The following CD276 variants were observed in gnomAD, a reference collection of about 807,000 sequenced individuals.
CD276 encodes the protein CD276 antigen.
In CD276, 34 loss-of-function variants were observed where a neutral mutation model predicts 50.0. The ratio of observed to expected loss-of-function variants is 0.68; its 90% CI spans 0.52 to 0.91. The LOEUF (loss-of-function observed/expected upper bound fraction) is 0.91, where lower values mean the gene tolerates loss of function less well. Ranked by LOEUF, CD276 falls within the 40% of genes least tolerant of loss-of-function variation. CD276 has a pLI of 0.00. For synonymous variants in CD276, 275 were observed against 313.0 expected (o/e 0.88, Z 1.28); for missense variants, 634 against 717.5 (o/e 0.88, Z 1.33).
chr15:73,690,665 T>G (rs1899952845), intron 1 of CD276: 1 of 455,916 alleles, frequency 2.2e-6, no homozygotes, highest in Non-Finnish European at 4.4e-6. Context: ...TCTTCACTTC[T>G]TACAGGCCCC....
chr15:73,712,302 G>A (rs891123550), intron 9 of CD276: 2 of 152,636 alleles, frequency 1.3e-5, no homozygotes, highest in African/African-American at 4.8e-5. Context: ...CAACCACAGA[G>A]GCAGTGCCCA....
chr15:73,713,833 T>G lies in CD276; in HGVS notation c.*877T>G, dbSNP rs1454926718. 1 of 444,576 alleles carries G rather than the reference T, an allele frequency of 2.2e-6. No individual in the cohort carries two copies. Among genetic ancestry groups the G allele is most frequent in the South Asian group, 1.6e-5 (1 of 62,400 alleles). 27.5% of individuals were successfully genotyped at this position (444,576 alleles called of 1,614,324 possible). On this transcript the variant is annotated 3_prime_UTR_variant, in exon 10 of 10. Transcript: ENST00000318443. ...CTCTTTGTTCCTTTCTTTTCATGTA[T>G]CCATTCAGTTGATGTTTATTGAGCA...
At chr15:73,712,902 T>C in intron 9 of CD276, 32 bp from the exon 10 acceptor site, 1 of 1,611,492 alleles carries the variant, frequency 6.2e-7, no homozygotes, top group East Asian at 2.2e-5. Flanking sequence ...GCTTTTCCCT[T>C]CCCTTTTTTT....
chr15:73,687,382 T>A lies in CD276; in HGVS notation c.-55+2922T>A, dbSNP rs1899812134. On this transcript the variant is annotated intron_variant, in intron 1 of 9. Transcript: ENST00000318443. This position sits in a 1 kb window ranked among gnomAD's most constrained non-coding sequence, Gnocchi z 4.0. ...CCAAAGACACACAGCCGGCAAATGG[T>A]GGAGCTGGGCTGTTGTCTGCTTCCA... 6.6e-6 allele frequency among the ~76,000 whole-genome samples: 1 copy of A among 152,084 alleles called. No homozygotes were observed. The highest frequency in any genetic ancestry group is 2.4e-5 in the African/African-American group (1 of 41,420).
intron 1 of CD276, among the ~76,000 whole-genome samples, chr15:73,695,459 C>G (rs1900139844): frequency 6.6e-6 from 1 of 152,152 alleles, no homozygotes; most frequent in South Asian, 2.1e-4. Flanking sequence ...CCAATTCGCC[C>G]TGACCATATC....
In CD276 at chr15:73,703,819, C is replaced by T. The variant is rs139803363; in HGVS notation, c.894C>T (p.Thr298=). Residue 298 remains threonine (T), a synonymous_variant, in exon 5 of 10, where the codon ACC becomes ACT. Transcript: ENST00000318443. ...TDTKQLVHSF[T]EGRDQGSAYA... ...CCAAACAGCTGGTGCACAGTTTCAC[C>T]GAAGGCCGGGACCAGGGCAGCGCCT... 2.1e-5 allele frequency: 34 copies of T among 1,613,670 alleles called. No individual in the cohort carries two copies. Among genetic ancestry groups the T allele is most frequent in the Admixed American group, 1.3e-4 (8 of 60,030 alleles).
chr15:73,712,661 G>C (rs574805986), intron 9 of CD276, among the ~76,000 whole-genome samples: 102 of 152,316 alleles, frequency 6.7e-4, no homozygotes, highest in African/African-American at 2.2e-3. Context: ...AGAGTGGAGG[G>C]AAGTGTATCG....
chr15:73,704,023 C>G lies in CD276; in HGVS notation c.1072+26C>G, dbSNP rs114094336. 1 of 1,595,070 alleles carries G rather than the reference C, an allele frequency of 6.3e-7. No homozygotes were observed. On this transcript the variant is annotated intron_variant, in intron 5 of 9. Coordinates refer to ENST00000318443, the MANE Select transcript of CD276 (RefSeq NM_001024736.2). The surrounding 1 kb of genome is among the most constrained non-coding windows in gnomAD (Gnocchi z 4.1). ...GTGAGCACCAGGAGGGCGACGCCTT[C>G]CCCTTGGTTCACCCTCCATTCCCTC...
intron 1 of CD276, among the ~76,000 whole-genome samples, chr15:73,692,078 C>T (rs1325142523): frequency 6.6e-6 from 1 of 152,172 alleles, no homozygotes; most frequent in East Asian, 1.9e-4. Flanking sequence ...TGCCTCCTCT[C>T]CTGAGTCTCA....
In CD276 at chr15:73,704,093, C is replaced by T; in HGVS notation, c.1073-83C>T. 6.4e-7 allele frequency: 1 copy of T among 1,562,678 alleles called. No individual in the cohort carries two copies. Among genetic ancestry groups the T allele is most frequent in the East Asian group, 2.3e-5 (1 of 42,786 alleles). On this transcript the variant is annotated intron_variant, in intron 5 of 9. Coordinates refer to ENST00000318443, the MANE Select transcript of CD276 (RefSeq NM_001024736.2). The surrounding 1 kb of genome is among the most constrained non-coding windows in gnomAD (Gnocchi z 4.1). ...CACCACTGCTCCCAGAACCCCAGTG[C>T]TGATTCCTGTACTCAGCCCCATGCA...
Position 73,704,492 on chromosome 15 carries a change from TG to T in CD276, c.1369+24del. 6.2e-7 allele frequency: 1 copy of T among 1,605,458 alleles called. No individual in the cohort carries two copies. Among genetic ancestry groups the T allele is most frequent in the East Asian group, 2.2e-5 (1 of 44,608 alleles). On this transcript the variant is annotated intron_variant, in intron 6 of 9. Coordinates refer to ENST00000318443, the MANE Select transcript of CD276 (RefSeq NM_001024736.2). The surrounding 1 kb of genome is among the most constrained non-coding windows in gnomAD (Gnocchi z 4.1). ...TCACAGGTAAGGGCAGATGAACAGC[TG>T]GGGAAGGACGGAGCGAGTAACTCCC...
intron 1 of CD276, among the ~76,000 whole-genome samples, chr15:73,686,496 G>A (rs973284202): frequency 6.6e-6 from 1 of 152,222 alleles, no homozygotes; most frequent in Non-Finnish European, 1.5e-5. Flanking sequence ...AGTTATAGAA[G>A]TGTGGTCCCT....
chr15:73,703,421 C>T (rs1900498353), intron 4 of CD276, among the ~76,000 whole-genome samples: 1 of 152,128 alleles, frequency 6.6e-6, no homozygotes, highest in African/African-American at 2.4e-5. Flanking sequence ...CTGCCCCAGG[C>T]CTGGCCCTGG....
chr15:73,710,326 C>A (rs1900840966), intron 8 of CD276, among the ~76,000 whole-genome samples: 1 of 152,260 alleles, frequency 6.6e-6, no homozygotes. Context: ...AAAATGTCAT[C>A]CTGACCCTGC....
chr15:73,708,565 T>C, intron 7 of CD276, 92 bp downstream of exon 7: 1 of 1,406,378 alleles, frequency 7.1e-7, no homozygotes, highest in East Asian at 2.5e-5. Context: ...TGTCACTTTC[T>C]AGTGACAGAA....
At position 73,693,921 on chromosome 15, in the gene CD276, A is replaced by T. The variant is rs557251632; in HGVS notation, c.-54-5665A>T. On this transcript the variant is annotated intron_variant, in intron 1 of 9. Coordinates refer to ENST00000318443, the MANE Select transcript of CD276 (RefSeq NM_001024736.2). ...GGTGGGTGGGGGGAGGGGCAGGGAA[A>T]GGTTCCCTGTTCTGATACTTGATCA... Among the ~76,000 whole-genome samples, 4 of 151,282 alleles carry T rather than the reference A, an allele frequency of 2.6e-5. No individual in the cohort carries two copies. The East Asian group carries it at 7.8e-4, about 29-fold the overall frequency.
rs201889944 is a variant in CD276, at chr15:73,703,650, C to T, written c.734-9C>T. The T allele has an allele frequency of 9.2e-4, 1,469 of 1,598,806 alleles. 7 individuals are homozygous for T. The Middle Eastern group carries it at 0.012, about 13-fold the overall frequency. On this transcript the variant is annotated splice_polypyrimidine_tract_variant and intron_variant, in intron 4 of 9. Coordinates refer to ENST00000318443, the MANE Select transcript of CD276 (RefSeq NM_001024736.2). The stretch of plus-strand genomic sequence containing the variant: ...CCTCACCACCCTGCCCCTCTGACCC[C>T]GCCCCCAGGAGCCGTGGAGGTCCAG...
At position 73,711,324 on chromosome 15, in the gene CD276, G is replaced by A. The variant is rs1246734949; in HGVS notation, c.1582+154G>A. ...CTTCCCCCTGGTGAGATGGCAGAGGGCTGAGTAACCAAGGTCCCAGCTGCT... is the reference window on the plus strand; with the variant it reads ...CTTCCCCCTGGTGAGATGGCAGAGGACTGAGTAACCAAGGTCCCAGCTGCT... On this transcript the variant is annotated intron_variant, in intron 9 of 9. Transcript: ENST00000318443. 6.7e-6 allele frequency: 5 copies of A among 751,062 alleles called. No homozygotes were observed. The African/African-American group carries it at 8.7e-5, about 13-fold the overall frequency. The allele number at this position is 751,062 out of a possible 1,614,324, so 46.5% of individuals were successfully genotyped here.
At chr15:73,689,878 GA>G (rs1365201987) in intron 1 of CD276, among the ~76,000 whole-genome samples, 1 of 152,216 alleles carries the variant, frequency 6.6e-6, no homozygotes, top group Non-Finnish European at 1.5e-5. Flanking sequence ...TGAAGACCCA[GA>G]AAGGCAAGGG....
Sources: allele counts gnomAD v4.1 joint callset (sites outside exome capture counted in the v4.1 genomes callset), GRCh38; gene constraint gnomAD v4.1.1; non-coding constraint Gnocchi (gnomAD v3.1); transcripts MANE v1.5; gene names NCBI Gene and HGNC (gene_info 2026-07-23, HGNC 2026-07-21).